MRTFB: variants seen among roughly 807,000 people sequenced by gnomAD.
MRTFB encodes myocardin-related transcription factor B.
MRTFB carries 29 observed loss-of-function variants against 104.2 expected under a neutral mutation model. The ratio of observed to expected loss-of-function variants is 0.28; its 90% CI spans 0.21 to 0.38. MRTFB has a LOEUF of 0.38. Ranked by LOEUF, MRTFB falls within the 10% of genes least tolerant of loss-of-function variation. The pLI is 1.00. For missense variants in MRTFB, 1,270 were observed against 1,341.6 expected (o/e 0.95, Z 0.83); for synonymous variants, 535 against 519.5 (o/e 1.03, Z -0.41).
the MRTFB span, among the ~76,000 whole-genome samples, chr16:14,042,079 A>C: frequency 6.6e-6 from 1 of 152,034 alleles, no homozygotes; most frequent in Non-Finnish European, 1.5e-5. Context: ...ACAGTGCACA[A>C]GGGTCCTGAT....
At chr16:14,077,552 T>C (rs958903248) in intron 1 of MRTFB, among the ~76,000 whole-genome samples, 3 of 152,044 alleles carry the variant, frequency 2.0e-5, no homozygotes, top group African/African-American at 7.2e-5. Flanking sequence ...AGTTTATTTT[T>C]CCATGTGAAC....
At chr16:14,168,519 C>G (rs977955975) in intron 3 of MRTFB, among the ~76,000 whole-genome samples, 1 of 152,190 alleles carries the variant, frequency 6.6e-6, no homozygotes, top group Non-Finnish European at 1.5e-5. Flanking sequence ...TATAAGGCTT[C>G]TTGCATTCAG....
intron 2 of MRTFB, among the ~76,000 whole-genome samples, chr16:14,083,242 A>G (rs1033279580): frequency 6.6e-6 from 1 of 152,062 alleles, no homozygotes; most frequent in African/African-American, 2.4e-5. Flanking sequence ...ATTGGTTCCA[A>G]CAGTTTTTTT....
At chr16:13,995,636 T>A in the MRTFB span, among the ~76,000 whole-genome samples, 1 of 152,156 alleles carries the variant, frequency 6.6e-6, no homozygotes, top group South Asian at 2.1e-4. Flanking sequence ...TTTAATTGGC[T>A]CATGGTTCCA....
intron 3 of MRTFB, chr16:14,142,791 A>G (rs1194433798): frequency 6.6e-6 from 1 of 152,200 alleles, no homozygotes; most frequent in Non-Finnish European, 1.5e-5. Context: ...TTTATCCTTT[A>G]TGGTCATTTA....
chr16:14,254,918 TGGAAAAGG>T (rs2043415142), intron 15 of MRTFB, among the ~76,000 whole-genome samples: 1 of 152,146 alleles, frequency 6.6e-6, no homozygotes, highest in Non-Finnish European at 1.5e-5. Context: ...TCCTCAGTGA[TGGAAAAGG>T]AAATATGCTT....
chr16:14,014,882 T>TA, the MRTFB span, among the ~76,000 whole-genome samples: 19 of 151,818 alleles, frequency 1.3e-4, no homozygotes, highest in Non-Finnish European at 2.5e-4. Flanking sequence ...AAATAAAAAA[T>TA]AAAAAACTCT....
intron 3 of MRTFB, 83 bp from the exon 4 acceptor site, chr16:14,210,160 T>G: frequency 9.9e-7 from 1 of 1,008,112 alleles, no homozygotes; most frequent in Non-Finnish European, 1.5e-6. Context: ...TTGATAAAGC[T>G]TAATTGCATC....
At chr16:14,019,980 C>A in the MRTFB span, among the ~76,000 whole-genome samples, 1 of 152,206 alleles carries the variant, frequency 6.6e-6, no homozygotes, top group South Asian at 2.1e-4. Context: ...ACATTGATCA[C>A]GTGAGACGCT....
At chr16:14,068,547 G>A (rs1657130807), upstream of MRTFB, among the ~76,000 whole-genome samples, 1 of 152,172 alleles carries the variant, frequency 6.6e-6, no homozygotes, top group Admixed American at 6.5e-5. Context: ...CTTGCCAACT[G>A]TGTGTTGTTG....
At chr16:14,205,001 C>T (rs1049667329) in intron 3 of MRTFB, among the ~76,000 whole-genome samples, 1 of 152,114 alleles carries the variant, frequency 6.6e-6, no homozygotes, top group African/African-American at 2.4e-5. Flanking sequence ...GTAAACTATG[C>T]CATATCCACC....
chr16:14,118,768 T>A (rs2036682419), intron 2 of MRTFB, among the ~76,000 whole-genome samples: 1 of 151,906 alleles, frequency 6.6e-6, no homozygotes, highest in Non-Finnish European at 1.5e-5. Flanking sequence ...CATATATATA[T>A]AAACTATATA....
At chr16:14,145,802 C>G (rs965349840) in intron 3 of MRTFB, among the ~76,000 whole-genome samples, 7 of 152,196 alleles carry the variant, frequency 4.6e-5, no homozygotes, top group South Asian at 2.1e-4. Flanking sequence ...TTCACATGAG[C>G]AGACTGGGAA....
intron 2 of MRTFB, among the ~76,000 whole-genome samples, chr16:14,095,303 G>A (rs1005589525): frequency 6.6e-6 from 1 of 152,124 alleles, no homozygotes. Context: ...TTCCACTTGG[G>A]GCCTGACTTG....
intron 2 of MRTFB, among the ~76,000 whole-genome samples, chr16:14,118,263 A>G (rs2036648111): frequency 6.6e-6 from 1 of 151,402 alleles, no homozygotes; most frequent in African/African-American, 2.4e-5. Context: ...CAGTCTCCTG[A>G]GTAGCTGGGA....
At chr16:14,217,372 A>C (rs2041472934) in intron 7 of MRTFB, 85 bp downstream of exon 7, 14 of 1,162,506 alleles carry the variant, frequency 1.2e-5, no homozygotes, top group Non-Finnish European at 1.7e-5. Context: ...AAAGGCTAGC[A>C]CCGATCGTGA....
At chr16:14,170,253 T>C (rs2039379906) in intron 3 of MRTFB, 1 of 152,560 alleles carries the variant, frequency 6.6e-6, no homozygotes, top group African/African-American at 2.4e-5. Context: ...GGCCAGGAGC[T>C]CGAGACCAGC....
intron 3 of MRTFB, among the ~76,000 whole-genome samples, chr16:14,196,983 T>C (rs2040464517): frequency 6.9e-6 from 1 of 143,966 alleles, no homozygotes; most frequent in African/African-American, 2.6e-5. Flanking sequence ...TTTTTTTTTT[T>C]TTTTGAGATG....
chr16:14,035,992 C>T, the MRTFB span, among the ~76,000 whole-genome samples: 1 of 150,268 alleles, frequency 6.7e-6, no homozygotes, highest in South Asian at 2.1e-4. Flanking sequence ...GTTTCCCATT[C>T]CTGAGTCACT....
Sources: allele counts gnomAD v4.1 joint callset (sites outside exome capture counted in the v4.1 genomes callset), GRCh38; gene constraint gnomAD v4.1.1; transcripts MANE v1.5; gene names NCBI Gene and HGNC (gene_info 2026-07-23, HGNC 2026-07-21).